The following LUC7L2 variants were observed in gnomAD, a reference collection of about 807,000 sequenced individuals.
The protein encoded by LUC7L2 is LUC7 like 2, pre-mRNA splicing factor.
LUC7L2 carries 25 observed loss-of-function variants against 52.8 expected under a neutral mutation model. The ratio of observed to expected loss-of-function variants is 0.47; its 90% confidence interval spans 0.34 to 0.66. The LOEUF is 0.66. LUC7L2 is among the 30% of genes least tolerant of loss of function. The pLI is 0.01. For missense variants in LUC7L2, 328 were observed against 497.8 expected (o/e 0.66, Z 3.25); for synonymous variants, 144 against 160.9 (o/e 0.89, Z 0.80).
chr7:139,383,899 AATT>A (rs559078924), intron 2 of LUC7L2, among the ~76,000 whole-genome samples: 6 of 150,288 alleles, frequency 4.0e-5, no homozygotes, highest in East Asian at 2.0e-4. Context: ...ATGCCTGGCT[AATT>A]ATTATTATTA....
At chr7:139,359,787 G>A (rs10225910), upstream of LUC7L2, 2,145 of 400,202 alleles carry the variant, frequency 5.4e-3, 45 homozygotes, top group African/African-American at 0.04. Context: ...CACGCGCCCA[G>A]AGCCGTTAGG....
Position 139,368,615 on chromosome 7 carries a change from G to A in LUC7L2, c.62-7447G>A, listed in dbSNP as rs1339576541. Among the ~76,000 whole-genome samples, 3 of 152,054 alleles carry A rather than the reference G, an allele frequency of 2.0e-5. No homozygotes were observed. In the South Asian group the frequency reaches 6.2e-4, roughly 32 times the overall value. ...TAGCCAGATGTGGTGGTGGGTGCCT[G>A]TAATCCCAGCCACCCGGGAGGCTGA... On this transcript the variant is annotated intron_variant, in intron 1 of 9. Coordinates refer to ENST00000354926, the MANE Select transcript of LUC7L2 (RefSeq NM_016019.5).
At chr7:139,387,190 C>T (rs1299979637) in intron 2 of LUC7L2, among the ~76,000 whole-genome samples, 1 of 151,852 alleles carries the variant, frequency 6.6e-6, no homozygotes, top group Non-Finnish European at 1.5e-5. Context: ...CTTGCAGGAT[C>T]AAAAATAAAG....
At position 139,423,101 on chromosome 7, in the gene LUC7L2, C is replaced by T. The variant is rs2116369546; in HGVS notation, c.*761C>T. ...ATTTTGTGTGTGTGGAGTATAAAGG[C>T]TACACCCTTATTGTAAAAAAATAAT... On this transcript the variant is annotated 3_prime_UTR_variant, in exon 10 of 10. Coordinates refer to ENST00000354926, the MANE Select transcript of LUC7L2 (RefSeq NM_016019.5). 2.5e-6 allele frequency: 1 copy of T among 398,798 alleles called. No homozygotes were observed. Among genetic ancestry groups the T allele is most frequent in the Non-Finnish European group, 4.4e-6 (1 of 226,024 alleles). 24.7% of individuals were successfully genotyped at this position (398,798 alleles called of 1,614,324 possible). A position where few individuals can be genotyped will look rare whatever the true frequency, so the allele number is the denominator to read the frequency against.
intron 6 of LUC7L2, among the ~76,000 whole-genome samples, chr7:139,408,142 A>G (rs1795200459): frequency 6.6e-6 from 1 of 152,222 alleles, no homozygotes; most frequent in Non-Finnish European, 1.5e-5. Flanking sequence ...ATTTAAAATA[A>G]TATAGAATCA....
upstream of LUC7L2, chr7:139,359,648 G>T (rs73154138): frequency 0.019 from 7,580 of 397,358 alleles, 109 homozygotes; most frequent in Non-Finnish European, 0.024. Context: ...AGCCTTAGCC[G>T]CCAGCCCTAC....
intron 7 of LUC7L2, 142 bp downstream of exon 7, chr7:139,409,796 G>A (rs927156394): frequency 1.1e-5 from 14 of 1,249,918 alleles, no homozygotes; most frequent in South Asian, 8.5e-5. Context: ...ATTACTGTGC[G>A]AATTATATAA....
At chr7:139,356,656 G>A (rs1395390201), upstream of LUC7L2, among the ~76,000 whole-genome samples, 1 of 151,246 alleles carries the variant, frequency 6.6e-6, no homozygotes, top group Non-Finnish European at 1.5e-5. Context: ...TTTGAGTGTT[G>A]TAGGCCACAC....
intron 1 of LUC7L2, chr7:139,375,669 A>G (rs1800669334): frequency 7.4e-6 from 7 of 951,544 alleles, no homozygotes; most frequent in Non-Finnish European, 8.8e-6. Flanking sequence ...AGAAGGGAAC[A>G]TTGTATACCA....
At chr7:139,342,213 C>T in intron 1 of LUC7L2, among the ~76,000 whole-genome samples, 1 of 152,076 alleles carries the variant, frequency 6.6e-6, no homozygotes, top group Non-Finnish European at 1.5e-5. Flanking sequence ...ACTTGCTGCC[C>T]ACCTAAGGAG....
At chr7:139,385,488 A>G (rs569263571) in intron 2 of LUC7L2, among the ~76,000 whole-genome samples, 1 of 151,992 alleles carries the variant, frequency 6.6e-6, no homozygotes, top group South Asian at 2.1e-4. Flanking sequence ...TTCCCAGCTA[A>G]TTTTAAAATT....
chr7:139,348,185 CAAT>C (rs1225130951), intron 1 of LUC7L2, among the ~76,000 whole-genome samples: 1 of 148,322 alleles, frequency 6.7e-6, no homozygotes, highest in South Asian at 2.1e-4. Flanking sequence ...ATATTATATA[CAAT>C]AATATATAAT....
intron 1 of LUC7L2, among the ~76,000 whole-genome samples, chr7:139,343,137 A>C (rs1269126241): frequency 6.6e-6 from 1 of 152,218 alleles, no homozygotes; most frequent in African/African-American, 2.4e-5. Context: ...AACCGAATCA[A>C]GAGCAGTATT....
intron 1 of LUC7L2, among the ~76,000 whole-genome samples, chr7:139,352,040 T>A (rs1242669570): frequency 2.0e-5 from 3 of 150,312 alleles, no homozygotes; most frequent in African/African-American, 4.9e-5. Context: ...AAAAAAAATG[T>A]AAAAATTAGC....
At chr7:139,398,808 T>G (rs1794772001) in intron 3 of LUC7L2, 111 bp downstream of exon 3, 1 of 927,880 alleles carries the variant, frequency 1.1e-6, no homozygotes, top group South Asian at 2.0e-5. Context: ...CCTCTGGTTA[T>G]ATGAAGGGTA....
intron 1 of LUC7L2, 73 bp from the exon 2 acceptor site, chr7:139,375,989 G>A (rs1800687947): frequency 6.6e-7 from 1 of 1,506,654 alleles, no homozygotes; most frequent in Non-Finnish European, 9.1e-7. Context: ...TAAAAAGCTA[G>A]TAATAGTAGG....
intron 2 of LUC7L2, among the ~76,000 whole-genome samples, chr7:139,389,796 C>T (rs540126381): frequency 6.6e-6 from 1 of 152,284 alleles, no homozygotes; most frequent in South Asian, 2.1e-4. Context: ...ATGTTCCTCC[C>T]TCATTGAGCT....
At chr7:139,377,358 C>T (rs1351075041) in intron 2 of LUC7L2, among the ~76,000 whole-genome samples, 3 of 152,088 alleles carry the variant, frequency 2.0e-5, no homozygotes, top group Non-Finnish European at 4.4e-5. Flanking sequence ...GCGCGTGCCA[C>T]CATGCCCGGC....
intron 2 of LUC7L2, among the ~76,000 whole-genome samples, chr7:139,382,179 T>A (rs1022686897): frequency 1.3e-5 from 2 of 151,804 alleles, no homozygotes; most frequent in Non-Finnish European, 2.9e-5. Context: ...TGTGAGCCAC[T>A]GCCCCCAGCT....
Sources: allele counts gnomAD v4.1 joint callset (sites outside exome capture counted in the v4.1 genomes callset), GRCh38; gene constraint gnomAD v4.1.1; transcripts MANE v1.5; gene names NCBI Gene and HGNC (gene_info 2026-07-23, HGNC 2026-07-21).